The following PVT1 variants were observed in gnomAD, a reference collection of about 807,000 sequenced individuals.
The protein encoded by PVT1 is Pvt1 oncogene.
intron 3 of PVT1, among the ~76,000 whole-genome samples, chr8:127,978,464 TTTTG>T (rs1264289674): frequency 6.6e-6 from 1 of 151,704 alleles, no homozygotes; most frequent in Admixed American, 6.6e-5. Context: ...GTTGTCATGT[TTTTG>T]TTTATTATTA....
chr8:127,990,437 C>T (rs1817019684), intron 4 of PVT1, among the ~76,000 whole-genome samples: 4 of 151,790 alleles, frequency 2.6e-5, no homozygotes, highest in Non-Finnish European at 5.9e-5. Context: ...AGAGAAGTAA[C>T]CAAAAGAAGA....
At chr8:127,962,035 C>A (rs963032921) in intron 3 of PVT1, among the ~76,000 whole-genome samples, 1 of 152,162 alleles carries the variant, frequency 6.6e-6, no homozygotes, top group Non-Finnish European at 1.5e-5. Context: ...AGTGCAGTGG[C>A]GCGATCTCGC....
chr8:128,002,189 G>A (rs1190512986), intron 4 of PVT1, among the ~76,000 whole-genome samples: 1 of 152,146 alleles, frequency 6.6e-6, no homozygotes, highest in Non-Finnish European at 1.5e-5. Flanking sequence ...GAAAGACCTG[G>A]ATAATCCCCA....
chr8:128,071,719 T>TAAATAAATAAATAAAA (rs1384028107), intron 5 of PVT1, among the ~76,000 whole-genome samples: 40 of 150,642 alleles, frequency 2.7e-4, no homozygotes, highest in East Asian at 1.2e-3. Context: ...AATAAATAAA[T>TAAATAAATAAATAAAA]AAAAATAAAA....
chr8:127,876,450 G>A (rs1005707460), intron 2 of PVT1, among the ~76,000 whole-genome samples: 1 of 148,494 alleles, frequency 6.7e-6, no homozygotes, highest in Non-Finnish European at 1.5e-5. Context: ...TATTTTATTA[G>A]TATTATTATA....
rs540593197 is a variant in PVT1 at position 128,070,327 on chromosome 8, G to A, written n.1080G>A. On this transcript the variant is annotated non_coding_transcript_exon_variant, in exon 5 of 11. Transcript: ENST00000651587. ...CTTCACACCTGTACCCATATGGACT[G>A]TGGGAGAGTTTCTCTGATATGGACT... is the stretch of plus-strand genomic sequence containing the variant. The A allele has an allele frequency of 1.4e-4, 21 of 152,322 alleles. No homozygotes were observed. The South Asian group carries it at 4.3e-3, about 32-fold the overall frequency. The allele number at this position is 152,322 out of a possible 1,614,324, so 9.4% of individuals were successfully genotyped here.
intron 3 of PVT1, among the ~76,000 whole-genome samples, chr8:127,959,957 A>G (rs1403809423): frequency 6.6e-6 from 1 of 152,162 alleles, no homozygotes; most frequent in Non-Finnish European, 1.5e-5. Flanking sequence ...CTGCCTTTTC[A>G]TGTATGTCTG....
chr8:128,079,799 A>G, intron 5 of PVT1, among the ~76,000 whole-genome samples: 1 of 150,720 alleles, frequency 6.6e-6, no homozygotes, highest in Non-Finnish European at 1.5e-5. Context: ...ATCTCGGCTC[A>G]CTGCCAGCTC....
intron 4 of PVT1, among the ~76,000 whole-genome samples, chr8:128,062,882 A>G (rs1456539889): frequency 6.6e-6 from 1 of 152,202 alleles, no homozygotes; most frequent in Non-Finnish European, 1.5e-5. Context: ...AAGCTAGGGA[A>G]CTTTCAGGCA....
intron 2 of PVT1, among the ~76,000 whole-genome samples, chr8:127,833,012 T>A (rs1814870352): frequency 6.6e-6 from 1 of 152,104 alleles, no homozygotes; most frequent in South Asian, 2.1e-4. Context: ...ACAAGAAACC[T>A]TTGAGAGGAA....
intron 5 of PVT1, among the ~76,000 whole-genome samples, chr8:128,088,142 T>C (rs73364084): frequency 0.021 from 3,138 of 152,294 alleles, 101 homozygotes; most frequent in African/African-American, 0.072. Flanking sequence ...GAAAATATTC[T>C]GAGTAAGCAG....
At chr8:128,048,612 G>A (rs1224072896) in intron 4 of PVT1, 1 of 152,272 alleles carries the variant, frequency 6.6e-6, no homozygotes, top group Non-Finnish European at 1.5e-5. Flanking sequence ...ATCTGATGGT[G>A]AGTCAGACCT....
At chr8:127,820,836 A>C (rs914949950) in intron 2 of PVT1, among the ~76,000 whole-genome samples, 1 of 151,946 alleles carries the variant, frequency 6.6e-6, no homozygotes, top group Non-Finnish European at 1.5e-5. Flanking sequence ...CAGCCTCCCG[A>C]GTAGCTGGAT....
chr8:127,953,221 C>T (rs1025916377), intron 3 of PVT1, among the ~76,000 whole-genome samples: 1 of 152,182 alleles, frequency 6.6e-6, no homozygotes, highest in Admixed American at 6.5e-5. Context: ...CAATCTCTGT[C>T]CTTTTGAATT....
At chr8:127,848,316 C>A (rs1437560472) in intron 2 of PVT1, among the ~76,000 whole-genome samples, 1 of 152,172 alleles carries the variant, frequency 6.6e-6, no homozygotes, top group African/African-American at 2.4e-5. Context: ...ACTGGGGAGG[C>A]TGAGGCAGGG....
At position 127,907,074 on chromosome 8, in the gene PVT1, T is replaced by C. The variant is rs144201142; in HGVS notation, n.782+16076T>C. On this transcript the variant is annotated intron_variant and non_coding_transcript_variant, in intron 3 of 10. Coordinates refer to ENST00000651587, the Ensembl canonical transcript of PVT1. ...CTCCCGGGCTCAAGCAATTCTCCTGTCTCAGCCTCCCGAGTAGCTGGATTT... is the reference window on the plus strand; with the variant it reads ...CTCCCGGGCTCAAGCAATTCTCCTGCCTCAGCCTCCCGAGTAGCTGGATTT... Among the ~76,000 whole-genome samples, 51 of 152,058 alleles carry C rather than the reference T, an allele frequency of 3.4e-4. No individual in the cohort carries two copies. The East Asian group carries it at 9.3e-3, about 28-fold the overall frequency.
intron 4 of PVT1, among the ~76,000 whole-genome samples, chr8:128,025,790 G>A (rs1817486551): frequency 6.6e-6 from 1 of 152,110 alleles, no homozygotes; most frequent in Non-Finnish European, 1.5e-5. Context: ...GCTCACTTAA[G>A]GTCTCCCAAA....
intron 3 of PVT1, among the ~76,000 whole-genome samples, chr8:127,957,349 A>G (rs1345751555): frequency 6.6e-6 from 1 of 152,148 alleles, no homozygotes; most frequent in Admixed American, 6.6e-5. Context: ...TGGGCAGATC[A>G]CGAGGTCAAG....
intron 3 of PVT1, among the ~76,000 whole-genome samples, chr8:127,894,965 C>T (rs1176991933): frequency 2.6e-5 from 4 of 152,208 alleles, no homozygotes; most frequent in Admixed American, 6.5e-5. Context: ...GATCCCAGAA[C>T]GATAGCACTT....
Sources: allele counts gnomAD v4.1 joint callset (sites outside exome capture counted in the v4.1 genomes callset), GRCh38; gene constraint gnomAD v4.1.1; transcripts MANE v1.5; gene names NCBI Gene and HGNC (gene_info 2026-07-23, HGNC 2026-07-21).